The following CENPP variants were observed in gnomAD, a reference collection of about 807,000 sequenced individuals.
The protein encoded by CENPP is centromere protein P.
In CENPP, 24 loss-of-function variants were observed where a neutral mutation model predicts 35.6. The observed-to-expected ratio is 0.67, with a 90% CI of 0.49 to 0.95. CENPP has a LOEUF of 0.95. CENPP is among the 40% of genes least tolerant of loss of function. The pLI is 0.00. For synonymous variants in CENPP, 120 were observed against 125.5 expected, an observed-to-expected ratio of 0.96 and a Z score of 0.29; for missense variants, 332 against 345.3, an observed-to-expected ratio of 0.96 and a Z score of 0.31.
At chr9:92,365,391 T>C (rs564360842) in intron 4 of CENPP, among the ~76,000 whole-genome samples, 3 of 149,654 alleles carry the variant, frequency 2.0e-5, no homozygotes, top group African/African-American at 7.4e-5. Flanking sequence ...AATTATGCCT[T>C]GTATTATAAC....
intron 5 of CENPP, among the ~76,000 whole-genome samples, chr9:92,468,673 A>G (rs897440166): frequency 6.6e-6 from 1 of 152,232 alleles, no homozygotes; most frequent in Non-Finnish European, 1.5e-5. Flanking sequence ...AATGTTTTGT[A>G]ATTGTGTGGT....
intron 5 of CENPP, chr9:92,502,361 A>T (rs1846730423): frequency 1.1e-6 from 1 of 904,942 alleles, no homozygotes. Flanking sequence ...CTTTGGGGAT[A>T]GGGTAAGGGT....
At chr9:92,501,102 C>A (rs191100785) in intron 5 of CENPP, 53 of 1,564,208 alleles carry the variant, frequency 3.4e-5, no homozygotes, top group Non-Finnish European at 4.5e-5. Flanking sequence ...GGATGGTGAT[C>A]ATCAGCTCTA....
intron 5 of CENPP, among the ~76,000 whole-genome samples, chr9:92,531,970 G>T (rs1222723748): frequency 7.7e-6 from 1 of 129,870 alleles, no homozygotes; most frequent in African/African-American, 3.2e-5. Flanking sequence ...GTATTTTATT[G>T]TTGCCTTCTT....
In CENPP at chr9:92,420,699, A is replaced by T. The variant is rs531151884; in HGVS notation, c.564+40840A>T. Reference sequence around the variant, plus strand: ...AGATATCATTTATTTCTATTTTCTTATATGTATCCCTACCTACAAGAAAAT... The same window carrying T: ...AGATATCATTTATTTCTATTTTCTTTTATGTATCCCTACCTACAAGAAAAT... On this transcript the variant is annotated intron_variant, in intron 5 of 7. Transcript: ENST00000375587. Among the ~76,000 whole-genome samples the T allele has an allele frequency of 6.1e-3, 919 of 151,608 alleles. 3 individuals are homozygous for T. The highest frequency in any genetic ancestry group is 8.9e-3 in the Non-Finnish European group (606 of 67,920).
chr9:92,360,417 A>C (rs899763622), intron 4 of CENPP, among the ~76,000 whole-genome samples: 10 of 152,096 alleles, frequency 6.6e-5, no homozygotes, highest in Non-Finnish European at 1.5e-4. Context: ...CAACAACAAA[A>C]TTAGCTTATT....
chr9:92,376,526 G>T (rs1476446076), intron 4 of CENPP, among the ~76,000 whole-genome samples: 1 of 152,184 alleles, frequency 6.6e-6, no homozygotes, highest in Non-Finnish European at 1.5e-5. Context: ...GAGAAAATGG[G>T]TTGCCGCTTC....
At chr9:92,418,853 C>T (rs923978098) in intron 5 of CENPP, among the ~76,000 whole-genome samples, 8 of 152,042 alleles carry the variant, frequency 5.3e-5, no homozygotes, top group South Asian at 2.1e-4. Flanking sequence ...ATTTAGTCTC[C>T]GACTCTGCTT....
chr9:92,476,378 T>C lies in CENPP; in HGVS notation c.564+96519T>C, dbSNP rs1445358099. 6.6e-6 allele frequency among the ~76,000 whole-genome samples: 1 copy of C among 152,172 alleles called. No homozygotes were observed. The highest frequency in any genetic ancestry group is 1.5e-5 in the Non-Finnish European group (1 of 68,022). ...AATGAATTCATTAACTTAATAAATA[T>C]CTTCATTTATATATGGTATGTCTTT... On this transcript the variant is annotated intron_variant, in intron 5 of 7. Coordinates refer to ENST00000375587, the MANE Select transcript of CENPP (RefSeq NM_001012267.3). This position sits in a 1 kb window ranked among gnomAD's most constrained non-coding sequence, Gnocchi z 4.1.
intron 5 of CENPP, chr9:92,404,607 G>A: frequency 7.8e-7 from 1 of 1,289,002 alleles, no homozygotes; most frequent in African/African-American, 1.5e-5. Context: ...ATTTCAAACT[G>A]CTGAGTAAAA....
Position 92,464,975 on chromosome 9 carries a change from C to G in CENPP, c.564+85116C>G, listed in dbSNP as rs142624887. On this transcript the variant is annotated intron_variant, in intron 5 of 7. Coordinates refer to ENST00000375587, the MANE Select transcript of CENPP (RefSeq NM_001012267.3). ...AATTCTGATATGGAACACCGTCACCCCTTCAAATGCCCCTGGCTCTATCCC... is the reference window on the plus strand; with the variant it reads ...AATTCTGATATGGAACACCGTCACCGCTTCAAATGCCCCTGGCTCTATCCC... 40 of 1,614,054 alleles carry G rather than the reference C, an allele frequency of 2.5e-5. No homozygotes were observed. The East Asian group carries it at 8.9e-4, about 36-fold the overall frequency.
intron 5 of CENPP, among the ~76,000 whole-genome samples, chr9:92,569,356 G>C (rs1850076237): frequency 1.3e-5 from 2 of 152,054 alleles, no homozygotes; most frequent in African/African-American, 4.8e-5. Context: ...CCCATTTCTT[G>C]TTTTTGTCAG....
At chr9:92,392,259 G>T (rs529376291) in intron 5 of CENPP, among the ~76,000 whole-genome samples, 1 of 152,250 alleles carries the variant, frequency 6.6e-6, no homozygotes, top group East Asian at 1.9e-4. Context: ...TGTTTTTAAT[G>T]ATGTTGCTTG....
intron 5 of CENPP, among the ~76,000 whole-genome samples, chr9:92,454,074 T>A (rs1844799845): frequency 6.6e-6 from 1 of 152,264 alleles, no homozygotes; most frequent in African/African-American, 2.4e-5. Flanking sequence ...AGTAAGTCAC[T>A]TGTTTTCAAT....
At chr9:92,443,415 C>G (rs1315988908) in intron 5 of CENPP, among the ~76,000 whole-genome samples, 2 of 152,076 alleles carry the variant, frequency 1.3e-5, no homozygotes, top group African/African-American at 4.8e-5. Flanking sequence ...CAGAATACTA[C>G]AAAACAATGC....
chr9:92,388,292 G>T (rs2130887033), intron 5 of CENPP, among the ~76,000 whole-genome samples: 1 of 151,592 alleles, frequency 6.6e-6, no homozygotes, highest in Middle Eastern at 3.4e-3. Flanking sequence ...CTCCTGAGTA[G>T]CTGGGACTAC....
At chr9:92,372,269 C>A (rs1588068466) in intron 4 of CENPP, among the ~76,000 whole-genome samples, 1 of 151,722 alleles carries the variant, frequency 6.6e-6, no homozygotes, top group East Asian at 1.9e-4. Flanking sequence ...AAGTGAGTTT[C>A]TTGTAAGCAG....
chr9:92,609,393 C>G (rs1267039531), intron 5 of CENPP, among the ~76,000 whole-genome samples: 1 of 152,242 alleles, frequency 6.6e-6, no homozygotes, highest in Non-Finnish European at 1.5e-5. Flanking sequence ...TCTGGAGCAG[C>G]AGGAAGGCCC....
At chr9:92,496,515 G>C (rs760877072) in intron 5 of CENPP, 1 of 1,591,428 alleles carries the variant, frequency 6.3e-7, no homozygotes, top group South Asian at 1.2e-5. Context: ...AGTCACACAT[G>C]GTCCCAGTAA....
Sources: allele counts gnomAD v4.1 joint callset (sites outside exome capture counted in the v4.1 genomes callset), GRCh38; gene constraint gnomAD v4.1.1; non-coding constraint Gnocchi (gnomAD v3.1); transcripts MANE v1.5; gene names NCBI Gene and HGNC (gene_info 2026-07-23, HGNC 2026-07-21).